Variants in DOCK5 observed in about 807,000 individuals in gnomAD.
DOCK5 encodes dedicator of cytokinesis 5.
Under a neutral mutation model 251.8 loss-of-function variants are expected in DOCK5, and 142 were observed. The ratio of observed to expected loss-of-function variants is 0.56; its 90% CI spans 0.49 to 0.65. DOCK5 has a LOEUF of 0.65. Among genes scored for constraint, DOCK5 ranks in the 30% least tolerant of loss-of-function variants. The probability of loss-of-function intolerance (pLI) is 0.00; values close to 1 mark genes in which losing one functional copy is unlikely to be tolerated. For synonymous variants in DOCK5, 842 were observed against 835.5 expected (o/e 1.01, Z -0.13); for missense variants, 2,111 against 2,312.3 (o/e 0.91, Z 1.79).
At chr8:25,283,604 C>T (rs191051011) in intron 5 of DOCK5, among the ~76,000 whole-genome samples, 119 of 141,484 alleles carry the variant, frequency 8.4e-4, no homozygotes, top group Non-Finnish European at 3.5e-4. Context: ...CACCCTCCCT[C>T]TGGGAAGCCT....
intron 9 of DOCK5, among the ~76,000 whole-genome samples, chr8:25,301,571 A>C (rs1804763388): frequency 6.6e-6 from 1 of 152,120 alleles, no homozygotes; most frequent in South Asian, 2.1e-4. Flanking sequence ...CATCCTTAAG[A>C]AAACAAATAA....
In DOCK5 at chr8:25,342,593, C is replaced by T. The variant is rs2117233583; in HGVS notation, c.2617+86C>T. The T allele has an allele frequency of 1.0e-5, 10 of 990,668 alleles. No individual in the cohort carries two copies. The South Asian group carries it at 1.5e-4, about 15-fold the overall frequency. The allele number at this position is 990,668 out of a possible 1,614,324, so 61.4% of individuals were successfully genotyped here. On this transcript the variant is annotated intron_variant, in intron 25 of 51. Coordinates refer to ENST00000276440, the MANE Select transcript of DOCK5 (RefSeq NM_024940.8). ...CTCCAGCCTGGGTGACAGAACAAGA[C>T]TCCATCTCAAAAAGCTAAAACAAGC...
intron 48 of DOCK5, among the ~76,000 whole-genome samples, chr8:25,407,710 C>T (rs1801546505): frequency 6.6e-6 from 1 of 151,890 alleles, no homozygotes; most frequent in South Asian, 2.1e-4. Flanking sequence ...GCCTGGGCAA[C>T]ATGGTGAAAC....
intron 11 of DOCK5, among the ~76,000 whole-genome samples, chr8:25,306,117 C>A (rs1406086118): frequency 6.6e-6 from 1 of 151,948 alleles, no homozygotes; most frequent in African/African-American, 2.4e-5. Context: ...TGCACTCCAT[C>A]CTGGGTGACA....
chr8:25,298,317 T>G (rs1434856763), intron 7 of DOCK5, among the ~76,000 whole-genome samples: 1 of 152,152 alleles, frequency 6.6e-6, no homozygotes, highest in Non-Finnish European at 1.5e-5. Flanking sequence ...AGTTATTTCT[T>G]TATCCAGGAT....
chr8:25,297,148 G>A (rs981620465), intron 7 of DOCK5, among the ~76,000 whole-genome samples: 1 of 152,000 alleles, frequency 6.6e-6, no homozygotes, highest in Admixed American at 6.6e-5. Flanking sequence ...AGGCTGGAGT[G>A]CAGTGGTGCA....
intron 36 of DOCK5, among the ~76,000 whole-genome samples, chr8:25,374,263 C>T (rs1800924753): frequency 1.3e-5 from 2 of 152,044 alleles, no homozygotes; most frequent in Admixed American, 6.6e-5. Context: ...GGGAAGCAGG[C>T]TGGGGTCTGG....
chr8:25,305,816 T>G (rs1586313403), intron 11 of DOCK5, among the ~76,000 whole-genome samples: 1 of 152,300 alleles, frequency 6.6e-6, no homozygotes. Flanking sequence ...GCATTAGAAG[T>G]CTTAAAATTT....
At chr8:25,283,778 C>T (rs1804266347) in intron 5 of DOCK5, among the ~76,000 whole-genome samples, 1 of 152,120 alleles carries the variant, frequency 6.6e-6, no homozygotes, top group African/African-American at 2.4e-5. Context: ...AGAGAACCTG[C>T]TTGGTTTAAA....
intron 14 of DOCK5, chr8:25,317,506 T>C (rs1471391943): frequency 5.8e-6 from 1 of 171,330 alleles, no homozygotes; most frequent in Non-Finnish European, 1.3e-5. Context: ...TCAGAAAGCA[T>C]GTTTCCTTCC....
At chr8:25,207,537 T>C (rs1802030008) in intron 1 of DOCK5, among the ~76,000 whole-genome samples, 1 of 152,180 alleles carries the variant, frequency 6.6e-6, no homozygotes, top group Non-Finnish European at 1.5e-5. Flanking sequence ...CTGAGGGCCC[T>C]TAACAATTAT....
chr8:25,400,433 G>T (rs925168390), intron 46 of DOCK5, among the ~76,000 whole-genome samples: 1 of 147,922 alleles, frequency 6.8e-6, no homozygotes, highest in African/African-American at 2.5e-5. Flanking sequence ...AGGAGGCAGA[G>T]GTTGCAGTGA....
chr8:25,185,092 C>T lies in DOCK5; in HGVS notation c.43+141C>T, dbSNP rs1299750836. The T allele has an allele frequency of 5.0e-6, 5 of 1,000,534 alleles. No individual in the cohort carries two copies. The Admixed American group carries it at 1.3e-4, about 26-fold the overall frequency. 62.0% of individuals were successfully genotyped at this position (1,000,534 alleles called of 1,614,324 possible). The stretch of plus-strand genomic sequence containing the variant: ...GCTGCGCAGCTCTGGGAGCCGGGGA[C>T]GGTAGGAGTCCTCTCCAGGGAGCGC... On this transcript the variant is annotated intron_variant, in intron 1 of 51. Coordinates refer to ENST00000276440, the MANE Select transcript of DOCK5 (RefSeq NM_024940.8).
chr8:25,200,512 A>G (rs1408638430), intron 1 of DOCK5, among the ~76,000 whole-genome samples: 2 of 152,244 alleles, frequency 1.3e-5, no homozygotes, highest in African/African-American at 4.8e-5. Context: ...GATCTTTTCA[A>G]AAAATGATAC....
intron 2 of DOCK5, among the ~76,000 whole-genome samples, chr8:25,258,041 G>A (rs1382639011): frequency 1.3e-5 from 2 of 152,048 alleles, no homozygotes; most frequent in Non-Finnish European, 1.5e-5. Flanking sequence ...AATATAAAGC[G>A]AATTGGCCAA....
At chr8:25,190,213 C>T (rs62503184) in intron 1 of DOCK5, among the ~76,000 whole-genome samples, 6 of 151,948 alleles carry the variant, frequency 3.9e-5, no homozygotes, top group Non-Finnish European at 5.9e-5. Flanking sequence ...GCATAAAGTA[C>T]GATACAAAGT....
chr8:25,234,244 C>T (rs923109263), intron 1 of DOCK5, among the ~76,000 whole-genome samples: 1 of 152,132 alleles, frequency 6.6e-6, no homozygotes, highest in Non-Finnish European at 1.5e-5. Flanking sequence ...TTCTAGATTC[C>T]ACAGTAACCT....
At chr8:25,351,697 G>A in intron 26 of DOCK5, 34 bp from the exon 27 acceptor site, 1 of 1,558,380 alleles carries the variant, frequency 6.4e-7, no homozygotes, top group Non-Finnish European at 8.8e-7. Flanking sequence ...AACTGAGTCA[G>A]AAGGAATGGA....
At chr8:25,284,358 G>A (rs1804278329) in intron 5 of DOCK5, among the ~76,000 whole-genome samples, 1 of 152,202 alleles carries the variant, frequency 6.6e-6, no homozygotes, top group Non-Finnish European at 1.5e-5. Flanking sequence ...ATAATGAGAA[G>A]TGTAAGAGAA....
Sources: allele counts gnomAD v4.1 joint callset (sites outside exome capture counted in the v4.1 genomes callset), GRCh38; gene constraint gnomAD v4.1.1; transcripts MANE v1.5; gene names NCBI Gene and HGNC (gene_info 2026-07-23, HGNC 2026-07-21).